The following EPB41L3 variants were observed in gnomAD, a reference collection of about 807,000 sequenced individuals.
EPB41L3 encodes erythrocyte membrane protein band 4.1 like 3, also known as band 4.1-like protein 3.
Under a neutral mutation model 127.1 loss-of-function variants are expected in EPB41L3, and 57 were observed. The ratio of observed to expected loss-of-function variants is 0.45; its 90% confidence interval spans 0.36 to 0.56. The LOEUF (loss-of-function observed/expected upper bound fraction) is 0.56, where lower values mean the gene tolerates loss of function less well. EPB41L3 is among the 20% of genes least tolerant of loss of function. EPB41L3 has a pLI of 0.00. For synonymous variants in EPB41L3, 572 were observed against 549.5 expected (o/e 1.04, Z -0.57); for missense variants, 1,273 against 1,372.2 (o/e 0.93, Z 1.14).
chr18:5,540,363 A>G, intron 1 of EPB41L3: 5 of 985,464 alleles, frequency 5.1e-6, no homozygotes, highest in Non-Finnish European at 6.0e-6. Flanking sequence ...TCAACTTGAG[A>G]AAGGAGTCTC....
At chr18:5,608,288 C>A (rs1310829686) in intron 3 of EPB41L3, among the ~76,000 whole-genome samples, 1 of 152,058 alleles carries the variant, frequency 6.6e-6, no homozygotes, top group Non-Finnish European at 1.5e-5. Flanking sequence ...GTTAAGAAAG[C>A]AATCCCTTAC....
intron 2 of EPB41L3, among the ~76,000 whole-genome samples, chr18:5,479,355 T>C (rs992555459): frequency 6.6e-6 from 1 of 152,246 alleles, no homozygotes; most frequent in African/African-American, 2.4e-5. Flanking sequence ...GTTTAGGGCT[T>C]TGAAATAAGC....
intron 3 of EPB41L3, among the ~76,000 whole-genome samples, chr18:5,581,334 T>G (rs2094391398): frequency 6.6e-6 from 1 of 152,208 alleles, no homozygotes; most frequent in Non-Finnish European, 1.5e-5. Flanking sequence ...TTTACCCTTA[T>G]AGTGTCTAAT....
intron 4 of EPB41L3, among the ~76,000 whole-genome samples, chr18:5,444,126 C>A (rs776236187): frequency 1.2e-4 from 19 of 152,242 alleles, no homozygotes; most frequent in Non-Finnish European, 2.6e-4. Flanking sequence ...TCTTTTATAA[C>A]CATTGCCTTC....
intron 14 of EPB41L3, among the ~76,000 whole-genome samples, chr18:5,409,712 C>A (rs1402883924): frequency 6.1e-5 from 9 of 148,024 alleles, no homozygotes; most frequent in Admixed American, 1.3e-4. Context: ...TAGGATGATG[C>A]AAAAAAAAAC....
chr18:5,545,871 CTCTGTGTGTG>C (rs1057410200), upstream of EPB41L3, among the ~76,000 whole-genome samples: 3 of 93,292 alleles, frequency 3.2e-5, no homozygotes, highest in Non-Finnish European at 4.3e-5. Context: ...ACCTGTATGA[CTCTGTGTGTG>C]TGTGTGTGTG....
At chr18:5,499,826 T>C (rs1044058040) in intron 1 of EPB41L3, among the ~76,000 whole-genome samples, 3 of 145,204 alleles carry the variant, frequency 2.1e-5, no homozygotes, top group African/African-American at 8.0e-5. Flanking sequence ...TTACTATGTG[T>C]GTGTATATAT....
At chr18:5,462,347 T>A (rs1439721325) in intron 3 of EPB41L3, among the ~76,000 whole-genome samples, 3 of 152,160 alleles carry the variant, frequency 2.0e-5, no homozygotes, top group Admixed American at 6.5e-5. Context: ...GAACTGGCAA[T>A]GAACTGAAAG....
At chr18:5,607,473 T>C (rs760414726) in intron 3 of EPB41L3, among the ~76,000 whole-genome samples, 6 of 152,142 alleles carry the variant, frequency 3.9e-5, no homozygotes, top group Admixed American at 6.5e-5. Context: ...TCCCTCTGCT[T>C]TTGAGAAAGG....
At chr18:5,452,111 C>T (rs2082354452) in intron 3 of EPB41L3, among the ~76,000 whole-genome samples, 1 of 152,148 alleles carries the variant, frequency 6.6e-6, no homozygotes, top group Non-Finnish European at 1.5e-5. Context: ...TCCCAAAGTG[C>T]TGAGATACAG....
chr18:5,599,986 C>A (rs1433908238), intron 3 of EPB41L3, among the ~76,000 whole-genome samples: 1 of 152,050 alleles, frequency 6.6e-6, no homozygotes, highest in Non-Finnish European at 1.5e-5. Flanking sequence ...GTGATATTTT[C>A]AAAGCTGTAA....
At chr18:5,528,441 G>T (rs1483056559) in intron 1 of EPB41L3, among the ~76,000 whole-genome samples, 1 of 152,098 alleles carries the variant, frequency 6.6e-6, no homozygotes, top group African/African-American at 2.4e-5. Flanking sequence ...CTCCCAAAGT[G>T]CTGGGATTAC....
At chr18:5,591,213 C>CT (rs1321517835) in intron 3 of EPB41L3, among the ~76,000 whole-genome samples, 2 of 152,202 alleles carry the variant, frequency 1.3e-5, no homozygotes, top group African/African-American at 2.4e-5. Context: ...CAATGCCTCA[C>CT]TTTTCAAGCT....
At chr18:5,504,825 C>T (rs1055744002) in intron 1 of EPB41L3, among the ~76,000 whole-genome samples, 9 of 152,144 alleles carry the variant, frequency 5.9e-5, no homozygotes, top group African/African-American at 2.2e-4. Flanking sequence ...CATCTTCATC[C>T]TCACCACACG....
At chr18:5,629,660 C>CT (rs1230107267), upstream of EPB41L3, among the ~76,000 whole-genome samples, 1 of 152,186 alleles carries the variant, frequency 6.6e-6, no homozygotes, top group Non-Finnish European at 1.5e-5. Flanking sequence ...GCTCTCTGGG[C>CT]TAGCGGTTCG....
At chr18:5,590,319 G>C (rs2094474754) in intron 3 of EPB41L3, among the ~76,000 whole-genome samples, 1 of 152,144 alleles carries the variant, frequency 6.6e-6, no homozygotes, top group African/African-American at 2.4e-5. Context: ...CCAAGGGTCT[G>C]TTCCTTTCCT....
intron 3 of EPB41L3, among the ~76,000 whole-genome samples, chr18:5,574,506 T>C (rs1456645612): frequency 6.6e-6 from 1 of 152,176 alleles, no homozygotes; most frequent in Non-Finnish European, 1.5e-5. Context: ...CTTCCTAATT[T>C]GATTCCCTCT....
chr18:5,494,428 C>A (rs921804193), intron 1 of EPB41L3, among the ~76,000 whole-genome samples: 2 of 152,134 alleles, frequency 1.3e-5, no homozygotes, highest in African/African-American at 4.8e-5. Context: ...AAGGCCAAGT[C>A]GGGTGGATCC....
chr18:5,574,663 C>T (rs1041274799), intron 3 of EPB41L3, among the ~76,000 whole-genome samples: 1 of 152,138 alleles, frequency 6.6e-6, no homozygotes, highest in Non-Finnish European at 1.5e-5. Flanking sequence ...ATGTGACCTG[C>T]TCCCTGTAAA....
Sources: allele counts gnomAD v4.1 joint callset (sites outside exome capture counted in the v4.1 genomes callset), GRCh38; gene constraint gnomAD v4.1.1; transcripts MANE v1.5; gene names NCBI Gene and HGNC (gene_info 2026-07-23, HGNC 2026-07-21).